The following PAH variants were observed in gnomAD, a reference collection of about 807,000 sequenced individuals.
PAH encodes the protein phenylalanine-4-hydroxylase.
PAH carries 64 observed loss-of-function variants against 62.0 expected under a neutral mutation model. The ratio of observed to expected loss-of-function variants is 1.03; its 90% CI spans 0.84 to 1.27. PAH has a LOEUF of 1.27. PAH is among the 50% of genes most tolerant of loss of function. PAH has a pLI of 0.00. For missense variants in PAH, 579 were observed against 542.8 expected, an observed-to-expected ratio of 1.07 and a Z score of -0.66; for synonymous variants, 195 against 196.2, an observed-to-expected ratio of 0.99 and a Z score of 0.05.
chr12:102,934,421 A>T (rs73393588), intron 1 of PAH, among the ~76,000 whole-genome samples: 4,806 of 63,438 alleles, frequency 0.076, 265 homozygotes, highest in African/African-American at 0.23. Context: ...GTTTCATGGT[A>T]CCTTAAATTT....
In PAH at chr12:102,878,201, ATG is replaced by A. The variant is rs1876659796; in HGVS notation, c.353-653_353-652del. 2.6e-5 allele frequency among the ~76,000 whole-genome samples: 4 copies of A among 152,354 alleles called. No individual in the cohort carries two copies. The East Asian group carries it at 7.7e-4, about 29-fold the overall frequency. On this transcript the variant is annotated intron_variant, in intron 3 of 12. Coordinates refer to ENST00000553106, the MANE Select transcript of PAH (RefSeq NM_000277.3). ...AGACTGTTCTACTGTAAATGAGCTC[ATG>A]AGAACCCATCTTCCCATTATGTGTT...
chr12:102,930,448 C>T (rs1878819083), intron 1 of PAH, among the ~76,000 whole-genome samples: 5 of 152,106 alleles, frequency 3.3e-5, no homozygotes, highest in Non-Finnish European at 7.3e-5. Context: ...ACATTAACAT[C>T]CTCTCCATCA....
At chr12:102,872,673 A>C (rs1174013539) in intron 4 of PAH, among the ~76,000 whole-genome samples, 1 of 152,254 alleles carries the variant, frequency 6.6e-6, no homozygotes, top group Non-Finnish European at 1.5e-5. Context: ...TTGAAAGGTT[A>C]AAAACAGTTT....
intron 5 of PAH, among the ~76,000 whole-genome samples, chr12:102,859,566 A>G (rs1875617624): frequency 6.6e-6 from 1 of 152,182 alleles, no homozygotes; most frequent in Non-Finnish European, 1.5e-5. Flanking sequence ...TCAATGCAAA[A>G]ATCCTCAATA....
chr12:102,928,161 TA>T (rs1312145624), intron 1 of PAH, among the ~76,000 whole-genome samples: 1 of 152,192 alleles, frequency 6.6e-6, no homozygotes, highest in African/African-American at 2.4e-5. Context: ...TTTTAATGTT[TA>T]ATATATGTGG....
In PAH at chr12:102,847,015, T is replaced by C. The variant is rs1481607939; in HGVS notation, c.913-64A>G. The C allele has an allele frequency of 6.5e-6, 9 of 1,387,630 alleles. No individual in the cohort carries two copies. The South Asian group carries it at 9.2e-5, about 14-fold the overall frequency. The allele number at this position is 1,387,630 out of a possible 1,614,324, so 86.0% of individuals were successfully genotyped here. Reference sequence around the variant, plus strand: ...AATTGGAACCACAGAACCAACCTAGTACTTGGCCATAAAAAGGTGATGGGT... The same window carrying C: ...AATTGGAACCACAGAACCAACCTAGCACTTGGCCATAAAAAGGTGATGGGT... On this transcript the variant is annotated intron_variant, in intron 8 of 12. Coordinates refer to ENST00000553106, the MANE Select transcript of PAH (RefSeq NM_000277.3).
At chr12:102,859,195 C>T (rs1205009058) in intron 5 of PAH, among the ~76,000 whole-genome samples, 3 of 152,174 alleles carry the variant, frequency 2.0e-5, no homozygotes, top group Non-Finnish European at 4.4e-5. Flanking sequence ...ACTATAAACA[C>T]CTCTATGCAA....
chr12:102,949,684 T>G (rs989277078), intron 1 of PAH, among the ~76,000 whole-genome samples: 5 of 152,174 alleles, frequency 3.3e-5, no homozygotes, highest in African/African-American at 1.2e-4. Flanking sequence ...GGTGACCATC[T>G]GGTTGGGGAA....
chr12:102,855,952 A>G (rs1875405697), intron 5 of PAH, among the ~76,000 whole-genome samples: 1 of 150,542 alleles, frequency 6.6e-6, no homozygotes, highest in East Asian at 1.9e-4. Context: ...AAGATTCCAC[A>G]TTGTATACAT....
intron 1 of PAH, chr12:102,923,635 T>C (rs1294210980): frequency 6.6e-6 from 1 of 152,236 alleles, no homozygotes; most frequent in Non-Finnish European, 1.5e-5. Flanking sequence ...AATTAGAATG[T>C]ACCTTATTTT....
chr12:102,889,904 A>G (rs568335629), intron 3 of PAH, among the ~76,000 whole-genome samples: 52 of 152,346 alleles, frequency 3.4e-4, no homozygotes, highest in Non-Finnish European at 6.5e-4. Flanking sequence ...AAAGATATTA[A>G]TGCTCTTTCA....
chr12:102,952,741 G>C (rs779045809), upstream of PAH, among the ~76,000 whole-genome samples: 11 of 152,150 alleles, frequency 7.2e-5, no homozygotes, highest in Non-Finnish European at 1.2e-4. Context: ...AATATAGTTT[G>C]TGCTTTTTTT....
In PAH at chr12:102,957,459, G is replaced by C. The variant is rs1325553788; in HGVS notation, c.-96+736C>G. On this transcript the variant is annotated intron_variant, in intron 1 of 4. Transcript: ENST00000551337. The surrounding 1 kb of genome is among the most constrained non-coding windows in gnomAD (Gnocchi z 4.1). ...GCAACAACAAACCCAGCTGAATGGA[G>C]AGTTTGCAAGGAGCGGGAGAAAGGA... is the stretch of plus-strand genomic sequence containing the variant. Among the ~76,000 whole-genome samples, 1 of 150,572 alleles carries C rather than the reference G, an allele frequency of 6.6e-6. No homozygotes were observed. The highest frequency in any genetic ancestry group is 6.6e-5 in the Admixed American group (1 of 15,178).
chr12:102,955,709 C>G (rs543009558), upstream of PAH, among the ~76,000 whole-genome samples: 1 of 152,242 alleles, frequency 6.6e-6, no homozygotes, highest in Admixed American at 6.5e-5. Flanking sequence ...TGTTGTGACT[C>G]TGCTTTTGGG....
Position 102,853,032 on chromosome 12 carries a change from G to C in PAH, c.707-82C>G, listed in dbSNP as rs975274857. 6.1e-6 allele frequency: 9 copies of C among 1,479,044 alleles called. No individual in the cohort carries two copies. The African/African-American group carries it at 9.7e-5, about 16-fold the overall frequency. The allele number at this position is 1,479,044 out of a possible 1,614,324, so 91.6% of individuals were successfully genotyped here. On this transcript the variant is annotated intron_variant, in intron 6 of 12. Transcript: ENST00000553106. ...TAGGAGACCTTTAGGTAGTGGAGTA[G>C]TACACATAACTGCCCAGGGACATAG...
intron 3 of PAH, 61 bp downstream of exon 3, chr12:102,894,674 G>A: frequency 1.7e-6 from 2 of 1,211,586 alleles, no homozygotes; most frequent in Non-Finnish European, 2.5e-6. Context: ...TATGTATATT[G>A]CTGTTATTTT....
chr12:102,947,613 G>C lies in PAH; in HGVS notation c.-96+2976C>G, dbSNP rs1879553960. 1.3e-5 allele frequency among the ~76,000 whole-genome samples: 2 copies of C among 152,228 alleles called. 1 individual carries two copies. The highest frequency in any genetic ancestry group is 4.8e-5 in the African/African-American group (2 of 41,466). ...GATCAGAAGGATAAGAACCATGGTA[G>C]TCAAAGGAGGAGAGAATCTCAAGAA... is the stretch of plus-strand genomic sequence containing the variant. On this transcript the variant is annotated intron_variant, in intron 1 of 3. Transcript: ENST00000546844.
intron 8 of PAH, chr12:102,847,292 T>C (rs1722387): frequency 0.86 from 309,615 of 358,714 alleles, 133,868 homozygotes; most frequent in South Asian, 0.92. Context: ...ATCAGCAGAA[T>C]ATTCCTGGAA....
At chr12:102,873,337 C>T (rs1876435360) in intron 4 of PAH, among the ~76,000 whole-genome samples, 1 of 152,240 alleles carries the variant, frequency 6.6e-6, no homozygotes, top group Non-Finnish European at 1.5e-5. Context: ...AGAAGCAATT[C>T]TCACTCTCTC....
Sources: gnomAD v4.1 joint callset for allele counts (sites outside exome capture counted in the v4.1 genomes callset) on GRCh38, gnomAD v4.1.1 for gene constraint, Gnocchi (gnomAD v3.1) non-coding constraint, MANE v1.5 for transcripts, NCBI Gene and HGNC (gene_info 2026-07-23, HGNC 2026-07-21) for gene names.